PALM2AKAP2: variants seen among roughly 807,000 people sequenced by gnomAD.
PALM2AKAP2 encodes the protein PALM2 and AKAP2 fusion.
In PALM2AKAP2, 37 loss-of-function variants were observed where a neutral mutation model predicts 71.5. That is an observed-to-expected ratio of 0.52 (90% CI 0.40 to 0.68). The LOEUF is 0.68. Ranked by LOEUF, PALM2AKAP2 falls within the 30% of genes least tolerant of loss-of-function variation. The pLI, the probability that PALM2AKAP2 is intolerant of heterozygous loss-of-function variation, is 0.00. For synonymous variants in PALM2AKAP2, 468 were observed against 478.8 expected, an observed-to-expected ratio of 0.98 and a Z score of 0.29; for missense variants, 1,224 against 1,191.8, an observed-to-expected ratio of 1.03 and a Z score of -0.40.
intron 1 of PALM2AKAP2, among the ~76,000 whole-genome samples, chr9:109,836,503 C>A (rs1333007881): frequency 6.6e-6 from 1 of 152,208 alleles, no homozygotes; most frequent in Non-Finnish European, 1.5e-5. Context: ...CAGCTCCTTG[C>A]CAGCAATGGA....
intron 6 of PALM2AKAP2, among the ~76,000 whole-genome samples, chr9:109,993,195 A>AAAG (rs1832516847): frequency 6.6e-6 from 1 of 150,872 alleles, no homozygotes; most frequent in Non-Finnish European, 1.5e-5. Flanking sequence ...AAAAAAAAAA[A>AAAG]AAAAGATAAT....
chr9:109,891,476 C>T (rs1472413871), intron 3 of PALM2AKAP2, among the ~76,000 whole-genome samples: 1 of 151,908 alleles, frequency 6.6e-6, no homozygotes, highest in Non-Finnish European at 1.5e-5. Context: ...TGACATGTCA[C>T]TCATCATTTT....
intron 1 of PALM2AKAP2, among the ~76,000 whole-genome samples, chr9:110,075,876 T>C (rs1278975955): frequency 6.6e-6 from 1 of 152,100 alleles, no homozygotes; most frequent in Non-Finnish European, 1.5e-5. Context: ...GTCTATATTA[T>C]ATACAGATGC....
At chr9:109,931,945 C>A (rs150965931) in exon 6 of PALM2AKAP2, 2 of 1,614,092 alleles carry the variant, frequency 1.2e-6, no homozygotes, top group Non-Finnish European at 1.7e-6. Context: ...AATTACATTT[C>A]CTCCCAGCTT....
intron 1 of PALM2AKAP2, among the ~76,000 whole-genome samples, chr9:110,055,394 C>G (rs1162050491): frequency 1.3e-5 from 2 of 152,034 alleles, no homozygotes; most frequent in Non-Finnish European, 2.9e-5. Flanking sequence ...TGAGGTTTCA[C>G]ATGTTGTCCA....
intron 1 of PALM2AKAP2, among the ~76,000 whole-genome samples, chr9:109,658,229 G>C (rs923188210): frequency 1.3e-5 from 2 of 152,058 alleles, no homozygotes; most frequent in East Asian, 3.9e-4. Flanking sequence ...CTGGGGAATC[G>C]TTAGTCCATG....
intron 1 of PALM2AKAP2, among the ~76,000 whole-genome samples, chr9:109,833,464 G>C (rs541554414): frequency 6.6e-5 from 10 of 152,308 alleles, no homozygotes; most frequent in Admixed American, 1.3e-4. Flanking sequence ...GTGTGTGTTG[G>C]CATGGAGCTC....
At chr9:109,948,240 G>A (rs1258225812) in intron 6 of PALM2AKAP2, among the ~76,000 whole-genome samples, 1 of 152,132 alleles carries the variant, frequency 6.6e-6, no homozygotes, top group Non-Finnish European at 1.5e-5. Flanking sequence ...CCAAAATACT[G>A]ATTGTTTGAA....
chr9:109,883,722 C>T (rs1829905600), intron 3 of PALM2AKAP2, among the ~76,000 whole-genome samples: 1 of 152,194 alleles, frequency 6.6e-6, no homozygotes, highest in East Asian at 1.9e-4. Context: ...TTGAATAGTT[C>T]TAAAGGCTCA....
intron 1 of PALM2AKAP2, among the ~76,000 whole-genome samples, chr9:109,736,887 T>A (rs898939517): frequency 6.6e-6 from 1 of 152,208 alleles, no homozygotes; most frequent in Non-Finnish European, 1.5e-5. Flanking sequence ...GGTGTGAATA[T>A]GCAACCCAAG....
chr9:109,961,092 A>G (rs1831843882), intron 6 of PALM2AKAP2, among the ~76,000 whole-genome samples: 1 of 152,188 alleles, frequency 6.6e-6, no homozygotes, highest in Non-Finnish European at 1.5e-5. Flanking sequence ...GTACAATGTG[A>G]ATGGTGCTCT....
chr9:109,983,961 A>G (rs1832325684), intron 6 of PALM2AKAP2, among the ~76,000 whole-genome samples: 1 of 152,234 alleles, frequency 6.6e-6, no homozygotes, highest in Non-Finnish European at 1.5e-5. Flanking sequence ...TTCAGGAATG[A>G]ATTTATTGAA....
chr9:110,136,670 G>A, exon 2 of PALM2AKAP2: 2 of 1,614,098 alleles, frequency 1.2e-6, no homozygotes, highest in African/African-American at 2.7e-5. Context: ...TGCGCTGGGG[G>A]ACAGCCTGCA....
At chr9:109,888,628 T>G (rs1256963830) in intron 3 of PALM2AKAP2, among the ~76,000 whole-genome samples, 1 of 146,524 alleles carries the variant, frequency 6.8e-6, no homozygotes, top group Non-Finnish European at 1.5e-5. Context: ...GAAAATCACT[T>G]GAACCCAGGA....
At chr9:109,723,396 T>G (rs1828432649) in intron 1 of PALM2AKAP2, among the ~76,000 whole-genome samples, 1 of 152,168 alleles carries the variant, frequency 6.6e-6, no homozygotes, top group African/African-American at 2.4e-5. Context: ...TTACCAAATA[T>G]TTAATGAACA....
At chr9:110,044,027 T>G (rs912829197), upstream of PALM2AKAP2, among the ~76,000 whole-genome samples, 9 of 152,132 alleles carry the variant, frequency 5.9e-5, no homozygotes, top group African/African-American at 1.9e-4. Flanking sequence ...CCCAGGTTTG[T>G]TTTTTCTATT....
intron 6 of PALM2AKAP2, chr9:109,942,998 G>T (rs1460227225): frequency 6.2e-7 from 1 of 1,614,158 alleles, no homozygotes; most frequent in Non-Finnish European, 8.5e-7. Context: ...CACATGCTCT[G>T]CAAAGAAGCT....
chr9:109,934,550 C>T (rs534544332), intron 6 of PALM2AKAP2, among the ~76,000 whole-genome samples: 53 of 152,276 alleles, frequency 3.5e-4, no homozygotes, highest in East Asian at 7.7e-4. Flanking sequence ...CCCCTCTGCA[C>T]GCTCTTCACT....
intron 3 of PALM2AKAP2, among the ~76,000 whole-genome samples, chr9:109,908,655 T>G (rs149134779): frequency 2.6e-4 from 39 of 152,350 alleles, no homozygotes; most frequent in African/African-American, 9.4e-4. Context: ...TTTTTTTCAA[T>G]GAATGACTCA....
Sources: gnomAD v4.1 joint callset for allele counts (sites outside exome capture counted in the v4.1 genomes callset) on GRCh38, gnomAD v4.1.1 for gene constraint, MANE v1.5 for transcripts, NCBI Gene and HGNC (gene_info 2026-07-23, HGNC 2026-07-21) for gene names.